RBFOX1: variants seen among roughly 807,000 people sequenced by gnomAD.
RBFOX1 encodes the protein RNA binding fox-1 homolog 1, also known as RNA binding protein fox-1 homolog 1.
Under a neutral mutation model 57.7 loss-of-function variants are expected in RBFOX1, and 8 were observed. The observed-to-expected ratio is 0.14, with a 90% confidence interval of 0.08 to 0.25. The LOEUF is 0.25. Ranked by LOEUF, RBFOX1 falls within the 10% of genes least tolerant of loss-of-function variation. The pLI is 1.00. For synonymous variants in RBFOX1, 326 were observed against 222.4 expected (o/e 1.47, Z -4.15); for missense variants, 611 against 548.5 (o/e 1.11, Z -1.14).
intron 3 of RBFOX1, among the ~76,000 whole-genome samples, chr16:5,616,450 G>C (rs1354128951): frequency 6.6e-6 from 1 of 152,154 alleles, no homozygotes; most frequent in African/African-American, 2.4e-5. Flanking sequence ...TAGAGCAGGA[G>C]GTTCTTGTGT....
chr16:6,353,691 T>G (rs1396203831), intron 2 of RBFOX1, among the ~76,000 whole-genome samples: 1 of 152,154 alleles, frequency 6.6e-6, no homozygotes. Flanking sequence ...TTCCCTGTAG[T>G]GTCACTTGGT....
At position 5,808,933 on chromosome 16, in the gene RBFOX1, G is replaced by A. The variant is rs4398110; in HGVS notation, c.319-58370G>A. On this transcript the variant is annotated intron_variant, in intron 3 of 19. Coordinates refer to the RBFOX1 transcript ENST00000641259. ...TGTTTCCTTCTCCTGCCTAATTTCC[G>A]TGGCCACAACTTCCAACACTATGTT... Among the ~76,000 whole-genome samples the A allele has an allele frequency of 3.9e-5, 6 of 152,032 alleles. No homozygotes were observed. The East Asian group carries it at 7.8e-4, about 20-fold the overall frequency.
chr16:7,010,062 G>A (rs890545369), intron 3 of RBFOX1, among the ~76,000 whole-genome samples: 1 of 152,178 alleles, frequency 6.6e-6, no homozygotes, highest in Non-Finnish European at 1.5e-5. Flanking sequence ...GAGGCCCTGG[G>A]AGAATTCAAA....
chr16:7,624,845 C>T (rs1018492051), intron 10 of RBFOX1, among the ~76,000 whole-genome samples: 3 of 152,130 alleles, frequency 2.0e-5, no homozygotes, highest in African/African-American at 7.2e-5. Context: ...GTTCTGATGA[C>T]TGGAGAAATG....
At chr16:5,369,818 A>G (rs1287766943) in intron 1 of RBFOX1, among the ~76,000 whole-genome samples, 3 of 152,194 alleles carry the variant, frequency 2.0e-5, no homozygotes, top group Admixed American at 2.0e-4. Context: ...ATTTAAAATA[A>G]TGAAATATAT....
At chr16:7,116,655 T>C (rs1206877243) in intron 4 of RBFOX1, among the ~76,000 whole-genome samples, 1 of 152,164 alleles carries the variant, frequency 6.6e-6, no homozygotes, top group Admixed American at 6.5e-5. Context: ...GCAATTCATG[T>C]GACTTGGTGG....
At chr16:7,360,555 C>G (rs538753218) in intron 4 of RBFOX1, among the ~76,000 whole-genome samples, 1 of 152,162 alleles carries the variant, frequency 6.6e-6, no homozygotes, top group Non-Finnish European at 1.5e-5. Context: ...GCCTGAGGAC[C>G]AAGCCTGTGC....
At chr16:7,342,518 T>C (rs1603625260) in intron 4 of RBFOX1, among the ~76,000 whole-genome samples, 1 of 152,228 alleles carries the variant, frequency 6.6e-6, no homozygotes, top group East Asian at 1.9e-4. Context: ...TCTTGGTTTG[T>C]TCATGATTTC....
At chr16:7,388,644 CTTT>C (rs61629644) in intron 4 of RBFOX1, among the ~76,000 whole-genome samples, 32,651 of 91,446 alleles carry the variant, frequency 0.36, 3,730 homozygotes, top group East Asian at 0.51. Context: ...GTTTCACTTA[CTTT>C]TTTTTTTTTT....
chr16:7,517,541 C>G (rs1381573829), intron 4 of RBFOX1, among the ~76,000 whole-genome samples: 1 of 39,992 alleles, frequency 2.5e-5, no homozygotes, highest in Non-Finnish European at 6.7e-5. Flanking sequence ...TACACGCATA[C>G]ACACACACAG....
chr16:7,230,552 G>GAAGGA (rs1047337329), intron 4 of RBFOX1, among the ~76,000 whole-genome samples: 5 of 152,114 alleles, frequency 3.3e-5, no homozygotes, highest in African/African-American at 9.7e-5. Context: ...CCCAGTCAAT[G>GAAGGA]AAGGAAAGGA....
intron 4 of RBFOX1, among the ~76,000 whole-genome samples, chr16:7,335,379 G>A (rs954999164): frequency 2.0e-5 from 3 of 152,142 alleles, no homozygotes; most frequent in African/African-American, 7.2e-5. Context: ...CTCCATCACT[G>A]GGAGTAATTT....
At chr16:6,225,748 C>T (rs1002916517) in intron 1 of RBFOX1, among the ~76,000 whole-genome samples, 1 of 152,136 alleles carries the variant, frequency 6.6e-6, no homozygotes, top group Non-Finnish European at 1.5e-5. Flanking sequence ...GGAATCATAA[C>T]CAGCTTTAAC....
intron 2 of RBFOX1, among the ~76,000 whole-genome samples, chr16:5,501,072 T>G (rs2043177551): frequency 1.3e-5 from 2 of 152,000 alleles, no homozygotes; most frequent in South Asian, 4.2e-4. Flanking sequence ...TCCCAGCACT[T>G]TGGGAGGCCG....
intron 3 of RBFOX1, among the ~76,000 whole-genome samples, chr16:6,862,212 C>G (rs567815580): frequency 6.6e-6 from 1 of 152,110 alleles, no homozygotes; most frequent in Non-Finnish European, 1.5e-5. Context: ...AGTACTGACC[C>G]TTACTCTAGA....
intron 3 of RBFOX1, among the ~76,000 whole-genome samples, chr16:6,946,356 G>T (rs1304770435): frequency 1.3e-5 from 2 of 152,166 alleles, no homozygotes; most frequent in Non-Finnish European, 2.9e-5. Flanking sequence ...TGGCCAGCTG[G>T]CCCTGTACTG....
chr16:5,835,743 G>C (rs181239632), intron 3 of RBFOX1, among the ~76,000 whole-genome samples: 1 of 152,166 alleles, frequency 6.6e-6, no homozygotes, highest in African/African-American at 2.4e-5. Flanking sequence ...TTTAGTTCTT[G>C]ATTAAACTCA....
chr16:5,299,852 A>G (rs914998778), intron 1 of RBFOX1, among the ~76,000 whole-genome samples: 1 of 152,176 alleles, frequency 6.6e-6, no homozygotes, highest in Non-Finnish European at 1.5e-5. Context: ...GATAATGGGT[A>G]TCCTTGTCTT....
intron 4 of RBFOX1, among the ~76,000 whole-genome samples, chr16:7,381,921 T>G (rs552348460): frequency 6.6e-6 from 1 of 152,316 alleles, no homozygotes; most frequent in Admixed American, 6.5e-5. Context: ...CACACTGTGA[T>G]GCCCAAAGAT....
Sources: gnomAD v4.1 joint callset for allele counts (sites outside exome capture counted in the v4.1 genomes callset) on GRCh38, gnomAD v4.1.1 for gene constraint, MANE v1.5 for transcripts, NCBI Gene and HGNC (gene_info 2026-07-23, HGNC 2026-07-21) for gene names.